Variants in SLC25A48 observed in about 807,000 individuals in gnomAD.
SLC25A48 encodes CTC-321K16.1.
A neutral mutation model predicts 32.2 loss-of-function variants in SLC25A48; 29 were observed. The ratio of observed to expected loss-of-function variants is 0.90; its 90% confidence interval spans 0.67 to 1.23. The LOEUF is 1.23. Among genes scored for constraint, SLC25A48 ranks in the 50% most tolerant of loss-of-function variants. SLC25A48 has a pLI of 0.00. For missense variants in SLC25A48, 399 were observed against 422.7 expected (o/e 0.94, Z 0.49); for synonymous variants, 164 against 172.3 (o/e 0.95, Z 0.38).
At chr5:135,708,134 G>A (rs2126971934) in intron 3 of SLC25A48, among the ~76,000 whole-genome samples, 1 of 152,138 alleles carries the variant, frequency 6.6e-6, no homozygotes, top group East Asian at 1.9e-4. Context: ...TAGGGATATA[G>A]ATTCTATTCG....
chr5:135,762,936 AG>A (rs1415566853), intron 3 of SLC25A48, among the ~76,000 whole-genome samples: 5 of 151,892 alleles, frequency 3.3e-5, no homozygotes, highest in African/African-American at 9.7e-5. Flanking sequence ...GGGTGTGAGT[AG>A]GGGTAAGTGT....
chr5:135,611,416 G>T, intron 1 of SLC25A48, among the ~76,000 whole-genome samples: 1 of 145,420 alleles, frequency 6.9e-6, no homozygotes, highest in Non-Finnish European at 1.5e-5. Context: ...TCAGGAGGCT[G>T]AGGCGGGAGA....
intron 4 of SLC25A48, among the ~76,000 whole-genome samples, chr5:135,853,300 A>G (rs1760045665): frequency 1.3e-5 from 2 of 152,192 alleles, no homozygotes; most frequent in Non-Finnish European, 2.9e-5. Context: ...TAAGACAACA[A>G]TGAAGTTTGC....
intron 3 of SLC25A48, among the ~76,000 whole-genome samples, chr5:135,762,334 G>T (rs932178588): frequency 6.6e-6 from 1 of 152,150 alleles, no homozygotes; most frequent in African/African-American, 2.4e-5. Flanking sequence ...GTGAAGGGTG[G>T]TGTTTGCAGA....
In SLC25A48 at chr5:135,840,550, C is replaced by T. The variant is rs182364038; in HGVS notation, c.47-1866C>T. Among the ~76,000 whole-genome samples, 8 of 152,322 alleles carry T rather than the reference C, an allele frequency of 5.3e-5. No individual in the cohort carries two copies. In the East Asian group the frequency reaches 7.7e-4, roughly 15 times the overall value. The stretch of plus-strand genomic sequence containing the variant: ...TCTCATGACCAAAGAAGATGCTGTA[C>T]GCTTCAAGAGTCACTCCCATTTCCA... On this transcript the variant is annotated intron_variant, in intron 1 of 7. Coordinates refer to ENST00000681962, the MANE Select transcript of SLC25A48 (RefSeq NM_001349336.2).
At chr5:135,817,448 T>G (rs921006656) in intron 4 of SLC25A48, among the ~76,000 whole-genome samples, 2 of 152,186 alleles carry the variant, frequency 1.3e-5, no homozygotes, top group African/African-American at 4.8e-5. Context: ...GAAAGAAAAG[T>G]CTTTTCAGCC....
chr5:135,823,585 T>G (rs925507375), intron 4 of SLC25A48, among the ~76,000 whole-genome samples: 2 of 152,190 alleles, frequency 1.3e-5, no homozygotes, highest in Admixed American at 1.3e-4. Flanking sequence ...GACACAGAAG[T>G]GATCTAGACA....
At position 135,585,445 on chromosome 5, in the gene SLC25A48, G is replaced by A. The variant is rs576754037; in HGVS notation, c.-849+5848G>A. On this transcript the variant is annotated intron_variant, in intron 1 of 10. Transcript: ENST00000646290. ...GGTAGGAGAGGCACCTGCTGTCCGC[G>A]TGGCTCGTAGACCTTGTTGTCTCCA... 2.2e-3 allele frequency among the ~76,000 whole-genome samples: 329 copies of A among 152,250 alleles called. 3 individuals carry two copies. Among genetic ancestry groups the A allele is most frequent in the Non-Finnish European group, 2.2e-3 (151 of 68,018 alleles).
Position 135,611,091 on chromosome 5 carries a change from C to A in SLC25A48, c.-848-18146C>A, listed in dbSNP as rs1218888094. On this transcript the variant is annotated intron_variant, in intron 1 of 10. Coordinates refer to the SLC25A48 transcript ENST00000646290. ...TGTACAATCAATGATTCTGAATCTTCAATGTAAATTATGTTCTAAATCTGT... is the reference window on the plus strand; with the variant it reads ...TGTACAATCAATGATTCTGAATCTTAAATGTAAATTATGTTCTAAATCTGT... Among the ~76,000 whole-genome samples, 3 of 152,122 alleles carry A rather than the reference C, an allele frequency of 2.0e-5. No homozygotes were observed. The East Asian group carries it at 5.8e-4, about 29-fold the overall frequency.
At chr5:135,702,246 TGGGTCTTTGCA>T in intron 3 of SLC25A48, among the ~76,000 whole-genome samples, 1 of 152,358 alleles carries the variant, frequency 6.6e-6, no homozygotes, top group East Asian at 1.9e-4. Context: ...TATTTGCAAA[TGGGTCTTTGCA>T]GGTGTAACCA....
At chr5:135,791,221 C>T (rs1212180150) in intron 3 of SLC25A48, among the ~76,000 whole-genome samples, 1 of 151,706 alleles carries the variant, frequency 6.6e-6, no homozygotes, top group East Asian at 1.9e-4. Context: ...GTGATATTAG[C>T]AATAATATCC....
intron 3 of SLC25A48, among the ~76,000 whole-genome samples, chr5:135,713,725 C>G (rs1754727673): frequency 6.6e-6 from 1 of 152,178 alleles, no homozygotes; most frequent in African/African-American, 2.4e-5. Flanking sequence ...CCTCCCCCAT[C>G]ATATTTCAAA....
intron 3 of SLC25A48, among the ~76,000 whole-genome samples, chr5:135,677,332 A>G (rs906118365): frequency 6.6e-6 from 1 of 152,030 alleles, no homozygotes; most frequent in Non-Finnish European, 1.5e-5. Context: ...CTGTTTAGGT[A>G]AAGTCTATGT....
chr5:135,721,777 A>G (rs1754961671), intron 3 of SLC25A48, among the ~76,000 whole-genome samples: 1 of 152,258 alleles, frequency 6.6e-6, no homozygotes, highest in African/African-American at 2.4e-5. Flanking sequence ...CTGTGTGTCC[A>G]CAGCAGGCTG....
chr5:135,687,533 A>G (rs1445261005), intron 3 of SLC25A48, among the ~76,000 whole-genome samples: 1 of 152,078 alleles, frequency 6.6e-6, no homozygotes, highest in African/African-American at 2.4e-5. Context: ...AATCTTTTAT[A>G]ATTTCCTTTA....
Position 135,871,680 on chromosome 5 carries a change from C to A in SLC25A48, c.641C>A (p.Pro214His), listed in dbSNP as rs766415170. The A allele has an allele frequency of 4.3e-6, 7 of 1,614,074 alleles. No individual in the cohort carries two copies. The Admixed American group carries it at 1.2e-4, about 27-fold the overall frequency. ...EWITPEACTG[P>H]SPCAVWLAGG... is the part of the protein sequence containing the mutation. ...ATCACACCTGAGGCCTGCACAGGCC[C>A]CAGCCCCTGTGCCGTGTGGCTGGCG... Residue 214 changes from proline to histidine, a missense_variant, in exon 5 of 8, where the codon CCC becomes CAC. Coordinates refer to ENST00000681962, the MANE Select transcript of SLC25A48 (RefSeq NM_001349336.2).
intron 1 of SLC25A48, among the ~76,000 whole-genome samples, chr5:135,620,644 G>A (rs886741471): frequency 1.3e-5 from 2 of 152,080 alleles, no homozygotes; most frequent in Non-Finnish European, 2.9e-5. Flanking sequence ...CTTGGGGAGT[G>A]GGGTTGTTGC....
intron 4 of SLC25A48, among the ~76,000 whole-genome samples, chr5:135,828,199 C>T (rs1758114961): frequency 6.6e-6 from 1 of 152,238 alleles, no homozygotes; most frequent in Non-Finnish European, 1.5e-5. Context: ...AAGGGGCTGG[C>T]TCAGCTGGAA....
At position 135,662,927 on chromosome 5, in the gene SLC25A48, C is replaced by T. The variant is rs371369503; in HGVS notation, c.-521+27971C>T. Among the ~76,000 whole-genome samples, 99 of 152,264 alleles carry T rather than the reference C, an allele frequency of 6.5e-4. No homozygotes were observed. In the Middle Eastern group the frequency reaches 0.01, roughly 16 times the overall value. On this transcript the variant is annotated intron_variant, in intron 3 of 10. Coordinates refer to the SLC25A48 transcript ENST00000646290. ...CCAGGCAGGAGCTCTCTCCTGGGTT[C>T]CAGCTCACATTCTCCACTGCCTTCG...
Sources: gnomAD v4.1 joint callset for allele counts (sites outside exome capture counted in the v4.1 genomes callset) on GRCh38, gnomAD v4.1.1 for gene constraint, MANE v1.5 for transcripts, NCBI Gene and HGNC (gene_info 2026-07-23, HGNC 2026-07-21) for gene names.